RALYL: variants seen among roughly 807,000 people sequenced by gnomAD.
RALYL encodes RNA-binding Raly-like protein.
In RALYL, 29 loss-of-function variants were observed where a neutral mutation model predicts 35.1. The ratio of observed to expected loss-of-function variants is 0.83; its 90% CI spans 0.61 to 1.13. The LOEUF is 1.13. Ranked by LOEUF, RALYL falls within the 50% of genes most tolerant of loss-of-function variation. RALYL has a pLI of 0.00. For synonymous variants in RALYL, 120 were observed against 127.6 expected, an observed-to-expected ratio of 0.94 and a Z score of 0.40; for missense variants, 359 against 360.4, an observed-to-expected ratio of 1.00 and a Z score of 0.03.
chr8:84,388,894 GT>G (rs1218855685), intron 1 of RALYL, among the ~76,000 whole-genome samples: 2 of 152,222 alleles, frequency 1.3e-5, no homozygotes, highest in Non-Finnish European at 1.5e-5. Flanking sequence ...TGCTTTTGGT[GT>G]TTTAGACATG....
intron 1 of RALYL, among the ~76,000 whole-genome samples, chr8:84,342,530 C>T (rs1200372809): frequency 6.6e-6 from 1 of 151,478 alleles, no homozygotes; most frequent in African/African-American, 2.4e-5. Context: ...CTAGAAAAAT[C>T]ACTGAAGTAG....
chr8:84,191,546 C>G, intron 1 of RALYL, among the ~76,000 whole-genome samples: 1 of 152,012 alleles, frequency 6.6e-6, no homozygotes, highest in Non-Finnish European at 1.5e-5. Flanking sequence ...GATTCTAAGT[C>G]TGGGCAGAAA....
intron 4 of RALYL, among the ~76,000 whole-genome samples, chr8:84,826,023 G>T (rs1244285589): frequency 6.6e-6 from 1 of 151,990 alleles, no homozygotes; most frequent in Non-Finnish European, 1.5e-5. Context: ...GTAGCTGGAG[G>T]TCATTATCCA....
intron 1 of RALYL, among the ~76,000 whole-genome samples, chr8:84,328,251 A>G (rs1444719450): frequency 6.6e-6 from 1 of 152,200 alleles, no homozygotes; most frequent in Non-Finnish European, 1.5e-5. Flanking sequence ...AGACCCAGAA[A>G]TTTGTCAGTT....
intron 2 of RALYL, among the ~76,000 whole-genome samples, chr8:84,617,450 G>A (rs1820041197): frequency 6.7e-6 from 1 of 148,896 alleles, no homozygotes; most frequent in African/African-American, 2.6e-5. Flanking sequence ...TTTGTATCCT[G>A]AGACTTTGCT....
chr8:84,748,417 A>C (rs1809169895), intron 2 of RALYL, among the ~76,000 whole-genome samples: 2 of 152,054 alleles, frequency 1.3e-5, no homozygotes, highest in Admixed American at 1.3e-4. Context: ...GATCTAATTC[A>C]AGCCTGGCTC....
intron 2 of RALYL, among the ~76,000 whole-genome samples, chr8:84,717,373 G>A (rs1349167557): frequency 6.6e-6 from 1 of 152,138 alleles, no homozygotes; most frequent in African/African-American, 2.4e-5. Flanking sequence ...TTTGTTTGGG[G>A]AAGATACTAG....
At chr8:84,710,019 C>T (rs779082729) in intron 2 of RALYL, among the ~76,000 whole-genome samples, 6 of 151,936 alleles carry the variant, frequency 3.9e-5, no homozygotes, top group African/African-American at 9.7e-5. Flanking sequence ...CAAGATTGCA[C>T]CACTGCACTC....
At chr8:84,854,629 GA>G (rs753972426) in intron 5 of RALYL, among the ~76,000 whole-genome samples, 60 of 152,174 alleles carry the variant, frequency 3.9e-4, no homozygotes, top group Admixed American at 1.4e-3. Context: ...CATGAAAACA[GA>G]AATTACACTA....
intron 8 of RALYL, among the ~76,000 whole-genome samples, chr8:84,903,412 C>T (rs762959341): frequency 1.3e-5 from 2 of 151,880 alleles, no homozygotes; most frequent in African/African-American, 2.4e-5. Flanking sequence ...CTTTTGAATC[C>T]CACCCCATCC....
intron 1 of RALYL, among the ~76,000 whole-genome samples, chr8:84,229,636 A>T (rs1824857369): frequency 6.6e-6 from 1 of 152,186 alleles, no homozygotes; most frequent in African/African-American, 2.4e-5. Flanking sequence ...AAATGTTAAG[A>T]TAACTCTGGT....
chr8:84,591,591 C>T (rs1043649632), intron 2 of RALYL, among the ~76,000 whole-genome samples: 5 of 152,136 alleles, frequency 3.3e-5, no homozygotes, highest in Admixed American at 6.5e-5. Context: ...TTTGTTATAC[C>T]AATATCCTTG....
rs139563698 is a variant in RALYL at position 84,606,967 on chromosome 8, G to A, written c.256+77390G>A. ...AGTGAAAACTTTTTATGTAAATGGA[G>A]AAAATAATGCTGTCCTTCTAGAAGT... On this transcript the variant is annotated intron_variant, in intron 2 of 8. Coordinates refer to ENST00000521268, the MANE Select transcript of RALYL (RefSeq NM_173848.7). 2.0e-5 allele frequency among the ~76,000 whole-genome samples: 3 copies of A among 152,046 alleles called. No individual in the cohort carries two copies. In the East Asian group the frequency reaches 5.8e-4, roughly 29 times the overall value.
intron 1 of RALYL, among the ~76,000 whole-genome samples, chr8:84,311,090 A>AAAAAAAAAAATATAT (rs1554614840): frequency 1.1e-4 from 11 of 99,768 alleles, no homozygotes; most frequent in African/African-American, 2.9e-4. Flanking sequence ...AAAAAAAAAA[A>AAAAAAAAAAATATAT]ATGTATATTA....
chr8:84,837,069 G>A (rs957792596), intron 4 of RALYL, among the ~76,000 whole-genome samples: 6 of 152,104 alleles, frequency 3.9e-5, no homozygotes, highest in Admixed American at 2.6e-4. Context: ...CTTTCATGAA[G>A]CCGTGTTTGA....
chr8:84,899,297 C>T (rs974172504), intron 8 of RALYL, among the ~76,000 whole-genome samples: 5 of 151,700 alleles, frequency 3.3e-5, no homozygotes, highest in African/African-American at 1.2e-4. Flanking sequence ...ACTTAACTTA[C>T]TATATTGTAA....
At chr8:84,400,089 A>G (rs6473549) in intron 1 of RALYL, among the ~76,000 whole-genome samples, 94,877 of 151,906 alleles carry the variant, frequency 0.62, 30,332 homozygotes, top group African/African-American at 0.77. Context: ...GCACTTCAGC[A>G]TGGGTGACAG....
At chr8:84,439,503 T>C (rs189265944) in intron 1 of RALYL, among the ~76,000 whole-genome samples, 169 of 152,304 alleles carry the variant, frequency 1.1e-3, no homozygotes, top group African/African-American at 3.7e-3. Flanking sequence ...TTGTCTAATA[T>C]AAGCATTCTT....
At chr8:84,724,310 CTCTT>C (rs1321702008) in intron 2 of RALYL, among the ~76,000 whole-genome samples, 4 of 151,840 alleles carry the variant, frequency 2.6e-5, no homozygotes, top group Admixed American at 6.6e-5. Context: ...TACATTGTCT[CTCTT>C]TCAGTAACAG....
Sources: allele counts gnomAD v4.1 joint callset (sites outside exome capture counted in the v4.1 genomes callset), GRCh38; gene constraint gnomAD v4.1.1; transcripts MANE v1.5; gene names NCBI Gene and HGNC (gene_info 2026-07-23, HGNC 2026-07-21).